The following FOLH1 variants were observed in gnomAD, a reference collection of about 807,000 sequenced individuals.
FOLH1 encodes the protein glutamate carboxypeptidase 2.
Under a neutral mutation model 93.9 loss-of-function variants are expected in FOLH1, and 54 were observed. The ratio of observed to expected loss-of-function variants is 0.57; its 90% CI spans 0.46 to 0.72. FOLH1 has a LOEUF of 0.72. FOLH1 is among the 30% of genes least tolerant of loss of function. FOLH1 has a pLI of 0.00. For missense variants in FOLH1, 571 were observed against 892.5 expected, an observed-to-expected ratio of 0.64 and a Z score of 4.59; for synonymous variants, 249 against 303.6, an observed-to-expected ratio of 0.82 and a Z score of 1.87.
chr11:49,189,524 C>A (rs1330719723), intron 4 of FOLH1, among the ~76,000 whole-genome samples: 1 of 152,174 alleles, frequency 6.6e-6, no homozygotes, highest in Admixed American at 6.5e-5. Context: ...CCTTCACTCA[C>A]AATGGAATTA....
chr11:49,208,535 G>A lies in FOLH1; in HGVS notation c.-126C>T. The A allele has an allele frequency of 1.6e-6, 1 of 632,502 alleles. No homozygotes were observed. Among genetic ancestry groups the A allele is most frequent in the Non-Finnish European group, 2.7e-6 (1 of 373,934 alleles). 39.2% of individuals were successfully genotyped at this position (632,502 alleles called of 1,614,324 possible). A position where few individuals can be genotyped will look rare whatever the true frequency, so the allele number is the denominator to read the frequency against. On this transcript the variant is annotated 5_prime_UTR_variant, in exon 1 of 19. Coordinates refer to ENST00000256999, the MANE Select transcript of FOLH1 (RefSeq NM_004476.3). ...CACTAATGCCTCGCTTATCAGCCCT[G>A]CAGGCTGGAATTCGCTCCAGACCTG...
intron 2 of FOLH1, among the ~76,000 whole-genome samples, chr11:49,205,254 C>T (rs982544231): frequency 2.6e-5 from 4 of 151,996 alleles, no homozygotes; most frequent in African/African-American, 9.7e-5. Flanking sequence ...GTATTCTAAT[C>T]AATTATATAT....
At chr11:49,206,227 T>C (rs1863925022) in intron 1 of FOLH1, 55 bp from the exon 2 acceptor site, 6 of 1,603,896 alleles carry the variant, frequency 3.7e-6, no homozygotes, top group Admixed American at 3.4e-5. Context: ...ATAGGACTTA[T>C]TTTTCATTAT....
chr11:49,167,617 C>A (rs1858570703), intron 12 of FOLH1, among the ~76,000 whole-genome samples: 1 of 152,040 alleles, frequency 6.6e-6, no homozygotes, highest in African/African-American at 2.4e-5. Flanking sequence ...GAGTTTGAGA[C>A]CAACCTGGGT....
chr11:49,158,316 A>G (rs1259101311), intron 13 of FOLH1, among the ~76,000 whole-genome samples: 2 of 152,170 alleles, frequency 1.3e-5, no homozygotes, highest in Non-Finnish European at 2.9e-5. Flanking sequence ...TTGTCTTTAG[A>G]TGAATGGCAT....
intron 2 of FOLH1, among the ~76,000 whole-genome samples, chr11:49,202,623 T>C (rs1246042326): frequency 6.6e-6 from 1 of 152,214 alleles, no homozygotes; most frequent in Non-Finnish European, 1.5e-5. Context: ...TGGGATTACA[T>C]GGGTGAGCCA....
chr11:49,183,767 TCTA>T (rs1179177572), intron 6 of FOLH1, among the ~76,000 whole-genome samples: 2 of 151,816 alleles, frequency 1.3e-5, no homozygotes, highest in Non-Finnish European at 2.9e-5. Flanking sequence ...TAAAAAAAAA[TCTA>T]CTGTTTGATT....
intron 13 of FOLH1, among the ~76,000 whole-genome samples, chr11:49,161,041 T>C (rs926474352): frequency 2.6e-5 from 4 of 152,218 alleles, no homozygotes; most frequent in African/African-American, 9.6e-5. Flanking sequence ...AGTGTTTTAC[T>C]TCCAATTATG....
chr11:49,171,855 G>A (rs1422466579), intron 10 of FOLH1, among the ~76,000 whole-genome samples: 3 of 152,062 alleles, frequency 2.0e-5, no homozygotes, highest in Non-Finnish European at 4.4e-5. Context: ...TGGAGTTAAG[G>A]CAAGATCTTG....
In FOLH1 at chr11:49,146,948, G is replaced by A. The variant is rs1392350440; in HGVS notation, c.2064-3C>T. On this transcript the variant is annotated splice_region_variant and splice_polypyrimidine_tract_variant and intron_variant, in intron 18 of 18. Coordinates refer to ENST00000256999, the MANE Select transcript of FOLH1 (RefSeq NM_004476.3). ...TGCTTGGAGCATAGATGACATGCCT[G>A]TTGATAAAATCGTTTGCTGTTTATT... 2.5e-6 allele frequency: 4 copies of A among 1,606,084 alleles called. No homozygotes were observed. The highest frequency in any genetic ancestry group is 3.4e-6 in the Non-Finnish European group (4 of 1,175,892).
intron 10 of FOLH1, among the ~76,000 whole-genome samples, chr11:49,172,643 T>G (rs1465418234): frequency 6.6e-6 from 1 of 152,220 alleles, no homozygotes; most frequent in Admixed American, 6.5e-5. Context: ...TTATTGTTTT[T>G]ATGGTTGATA....
At chr11:49,204,637 G>A (rs776651144) in intron 2 of FOLH1, among the ~76,000 whole-genome samples, 5 of 152,008 alleles carry the variant, frequency 3.3e-5, no homozygotes, top group African/African-American at 4.8e-5. Context: ...CATTTAAAAC[G>A]GCCCTTCCAA....
chr11:49,188,875 T>C (rs2135225908), intron 4 of FOLH1, among the ~76,000 whole-genome samples: 1 of 152,354 alleles, frequency 6.6e-6, no homozygotes, highest in Non-Finnish European at 1.5e-5. Flanking sequence ...TGATCCATCA[T>C]TCAAGTGTCT....
intron 2 of FOLH1, among the ~76,000 whole-genome samples, chr11:49,204,399 T>G (rs896407244): frequency 1.3e-5 from 2 of 152,266 alleles, no homozygotes; most frequent in African/African-American, 2.4e-5. Flanking sequence ...AAGTTGCTGC[T>G]GACCTTATGG....
chr11:49,157,404 T>C lies in FOLH1; in HGVS notation c.1532+548A>G, dbSNP rs1441857692. Among the ~76,000 whole-genome samples, 5 of 152,002 alleles carry C rather than the reference T, an allele frequency of 3.3e-5. No homozygotes were observed. The East Asian group carries it at 9.6e-4, about 29-fold the overall frequency. On this transcript the variant is annotated intron_variant, in intron 14 of 18. Transcript: ENST00000256999. ...TCTATCATGGGTTGAGTATCCCTAA[T>C]CCAAAAATCCAAAATCTGTATCAAA...
At chr11:49,207,025 C>T (rs1864052690) in intron 1 of FOLH1, among the ~76,000 whole-genome samples, 1 of 152,180 alleles carries the variant, frequency 6.6e-6, no homozygotes, top group African/African-American at 2.4e-5. Flanking sequence ...TACAAATGCA[C>T]ATACATATAT....
chr11:49,155,830 AT>A (rs1565135181), intron 15 of FOLH1, among the ~76,000 whole-genome samples: 2 of 137,488 alleles, frequency 1.5e-5, no homozygotes, highest in Admixed American at 7.4e-5. Context: ...ATATATATAT[AT>A]ATATAATCAA....
intron 11 of FOLH1, among the ~76,000 whole-genome samples, chr11:49,169,491 G>C: frequency 6.6e-6 from 1 of 152,158 alleles, no homozygotes; most frequent in Non-Finnish European, 1.5e-5. Flanking sequence ...AGATGAAATT[G>C]TCCATATACT....
rs539636320 is a variant in FOLH1, at chr11:49,164,198, T to A, written c.1440+507A>T. ...AATGGCATTTAAATTTTATTTATAATCCCTATCTGAAAAAATGTAATTGTG... is the reference window on the plus strand; with the variant it reads ...AATGGCATTTAAATTTTATTTATAAACCCTATCTGAAAAAATGTAATTGTG... On this transcript the variant is annotated intron_variant, in intron 13 of 18. Coordinates refer to ENST00000256999, the MANE Select transcript of FOLH1 (RefSeq NM_004476.3). Among the ~76,000 whole-genome samples, 187 of 152,334 alleles carry A rather than the reference T, an allele frequency of 1.2e-3. 1 individual carries two copies. The highest frequency in any genetic ancestry group is 4.1e-3 in the Admixed American group (62 of 15,304).
Sources: gnomAD v4.1 joint callset for allele counts (sites outside exome capture counted in the v4.1 genomes callset) on GRCh38, gnomAD v4.1.1 for gene constraint, MANE v1.5 for transcripts, NCBI Gene and HGNC (gene_info 2026-07-23, HGNC 2026-07-21) for gene names.